The following TGFBR3 variants were observed in gnomAD, a reference collection of about 807,000 sequenced individuals.
TGFBR3 encodes transforming growth factor beta receptor 3, also known as transforming growth factor beta receptor type 3.
A neutral mutation model predicts 87.9 loss-of-function variants in TGFBR3; 46 were observed. That is an observed-to-expected ratio of 0.52 (90% CI 0.41 to 0.67). TGFBR3 has a LOEUF of 0.67. Ranked by LOEUF, TGFBR3 falls within the 30% of genes least tolerant of loss-of-function variation. The pLI is 0.00. For missense variants in TGFBR3, 866 were observed against 1,041.9 expected (o/e 0.83, Z 2.32); for synonymous variants, 381 against 391.6 (o/e 0.97, Z 0.32).
chr1:91,718,718 C>T (rs1037243363), intron 10 of TGFBR3, among the ~76,000 whole-genome samples: 1 of 152,194 alleles, frequency 6.6e-6, no homozygotes, highest in African/African-American at 2.4e-5. Context: ...AACGGTTTAT[C>T]ATTGGGGGAA....
chr1:91,848,583 G>C (rs1410129093), intron 2 of TGFBR3, among the ~76,000 whole-genome samples: 1 of 152,124 alleles, frequency 6.6e-6, no homozygotes, highest in Admixed American at 6.5e-5. Context: ...GTTGTATCAT[G>C]CTCCTTGCTC....
chr1:91,735,644 T>C (rs934331845), intron 4 of TGFBR3, among the ~76,000 whole-genome samples: 1 of 152,188 alleles, frequency 6.6e-6, no homozygotes, highest in South Asian at 2.1e-4. Context: ...ACTTTCAGGA[T>C]GACGTATGCA....
At chr1:91,890,903 CTT>C (rs113072379), upstream of TGFBR3, among the ~76,000 whole-genome samples, 20 of 146,986 alleles carry the variant, frequency 1.4e-4, no homozygotes, top group African/African-American at 1.2e-4. Context: ...CTCATATTTC[CTT>C]TTTTTTTTTT....
upstream of TGFBR3, among the ~76,000 whole-genome samples, chr1:91,890,912 T>C (rs1328132416): frequency 1.3e-5 from 2 of 151,996 alleles, no homozygotes; most frequent in Non-Finnish European, 2.9e-5. Flanking sequence ...CCTTTTTTTT[T>C]TTTGAAACGG....
chr1:91,849,626 GTCTC>G (rs949058091), intron 2 of TGFBR3, among the ~76,000 whole-genome samples: 2 of 151,996 alleles, frequency 1.3e-5, no homozygotes, highest in Admixed American at 6.6e-5. Context: ...TTTGTTTCTG[GTCTC>G]TCTCCACTAG....
intron 2 of TGFBR3, among the ~76,000 whole-genome samples, chr1:91,819,507 A>G (rs531356060): frequency 6.6e-6 from 1 of 152,352 alleles, no homozygotes; most frequent in African/African-American, 2.4e-5. Context: ...AAGCTGAGAC[A>G]ATTCATCCAC....
chr1:91,856,365 C>T (rs1253034936), intron 2 of TGFBR3, among the ~76,000 whole-genome samples: 29 of 152,180 alleles, frequency 1.9e-4, no homozygotes, highest in Non-Finnish European at 1.5e-5. Flanking sequence ...CACGCCCAGC[C>T]GAAAGCATGA....
intron 4 of TGFBR3, 87 bp downstream of exon 4, chr1:91,758,526 G>A (rs1241871180): frequency 6.8e-7 from 1 of 1,470,450 alleles, no homozygotes; most frequent in African/African-American, 1.4e-5. Context: ...TTCAGTGAAA[G>A]TAAGCCTTTA....
chr1:91,757,560 G>T (rs552158473), intron 4 of TGFBR3, among the ~76,000 whole-genome samples: 2 of 152,080 alleles, frequency 1.3e-5, no homozygotes, highest in Non-Finnish European at 2.9e-5. Flanking sequence ...TATTATGATG[G>T]TTGCAAAATG....
At chr1:91,865,495 T>C (rs898619785) in intron 1 of TGFBR3, among the ~76,000 whole-genome samples, 7 of 152,118 alleles carry the variant, frequency 4.6e-5, no homozygotes, top group Non-Finnish European at 1.0e-4. Context: ...TCTGAGATCA[T>C]GAAAGAGCAA....
intron 3 of TGFBR3, among the ~76,000 whole-genome samples, chr1:91,765,638 A>G (rs929096353): frequency 6.6e-6 from 1 of 152,210 alleles, no homozygotes; most frequent in Non-Finnish European, 1.5e-5. Context: ...AGAAAAGAAA[A>G]TAGAAAATGT....
Position 91,886,010 on chromosome 1 carries a change from G to C in TGFBR3, c.-246C>G. ...CGCCGCGGCAAAACTACGCCATCCG[G>C]ACCCGCTGGGGACTCTCACCTCCTG... On this transcript the variant is annotated 5_prime_UTR_variant, in exon 1 of 17. Coordinates refer to ENST00000212355, the MANE Select transcript of TGFBR3 (RefSeq NM_003243.5). 2.2e-6 allele frequency: 1 copy of C among 453,602 alleles called. No individual in the cohort carries two copies. Among genetic ancestry groups the C allele is most frequent in the South Asian group, 1.6e-5 (1 of 64,430 alleles). 28.1% of individuals were successfully genotyped at this position (453,602 alleles called of 1,614,324 possible). A position where few individuals can be genotyped will look rare whatever the true frequency, so the allele number is the denominator to read the frequency against.
At chr1:91,746,453 T>C (rs1485572579) in intron 4 of TGFBR3, among the ~76,000 whole-genome samples, 1 of 152,190 alleles carries the variant, frequency 6.6e-6, no homozygotes, top group Non-Finnish European at 1.5e-5. Flanking sequence ...AATGTTAGCC[T>C]GATGGAAGAG....
intron 14 of TGFBR3, among the ~76,000 whole-genome samples, chr1:91,700,446 G>A (rs549414615): frequency 7.3e-4 from 111 of 152,270 alleles, no homozygotes; most frequent in African/African-American, 2.3e-3. Flanking sequence ...AACCATCTCC[G>A]ATGGGTGGGT....
At chr1:91,740,204 C>T (rs1422032387) in intron 4 of TGFBR3, among the ~76,000 whole-genome samples, 18 of 151,930 alleles carry the variant, frequency 1.2e-4, no homozygotes, top group South Asian at 4.2e-4. Flanking sequence ...GGATTACAGG[C>T]GTGTGCCACC....
intron 2 of TGFBR3, among the ~76,000 whole-genome samples, chr1:91,803,484 G>A (rs1675719643): frequency 6.6e-6 from 1 of 151,890 alleles, no homozygotes; most frequent in African/African-American, 2.4e-5. Flanking sequence ...CACAGCAACT[G>A]AGAAGCCACC....
At chr1:91,884,605 A>G (rs1266984995) in intron 1 of TGFBR3, among the ~76,000 whole-genome samples, 1 of 152,254 alleles carries the variant, frequency 6.6e-6, no homozygotes, top group Non-Finnish European at 1.5e-5. Context: ...CTTTGGAGTC[A>G]GAACTAACAG....
At chr1:91,838,716 G>A (rs1178250955) in intron 2 of TGFBR3, among the ~76,000 whole-genome samples, 3 of 150,442 alleles carry the variant, frequency 2.0e-5, no homozygotes, top group South Asian at 2.1e-4. Flanking sequence ...TGATCCACCC[G>A]CCTCTGCCTC....
At chr1:91,814,141 C>G (rs1223453696) in intron 2 of TGFBR3, among the ~76,000 whole-genome samples, 1 of 152,156 alleles carries the variant, frequency 6.6e-6, no homozygotes, top group African/African-American at 2.4e-5. Flanking sequence ...ATCTTCCCTG[C>G]CTTTCCATGT....
Sources: gnomAD v4.1 joint callset for allele counts (sites outside exome capture counted in the v4.1 genomes callset) on GRCh38, gnomAD v4.1.1 for gene constraint, MANE v1.5 for transcripts, NCBI Gene and HGNC (gene_info 2026-07-23, HGNC 2026-07-21) for gene names.